SLFN12L: variants seen among roughly 807,000 people sequenced by gnomAD.
SLFN12L encodes the protein schlafen family member 12 like, also known as schlafen family member 12-like.
In SLFN12L, 34 loss-of-function variants were observed where a neutral mutation model predicts 34.8. The observed-to-expected ratio is 0.98, with a 90% CI of 0.74 to 1.30. SLFN12L has a LOEUF of 1.30. SLFN12L is among the 50% of genes most tolerant of loss of function. The pLI is 0.00. For synonymous variants in SLFN12L, 259 were observed against 247.5 expected, an observed-to-expected ratio of 1.05 and a Z score of -0.44; for missense variants, 703 against 696.2, an observed-to-expected ratio of 1.01 and a Z score of -0.11.
chr17:35,519,273 G>C (rs544188712), intron 2 of SLFN12L, among the ~76,000 whole-genome samples: 1 of 152,074 alleles, frequency 6.6e-6, no homozygotes, highest in African/African-American at 2.4e-5. Flanking sequence ...AGGTTGATGG[G>C]TGCAGCAAAC....
At chr17:35,515,148 C>G in intron 2 of SLFN12L, 12 of 626,770 alleles carry the variant, frequency 1.9e-5, no homozygotes, top group Middle Eastern at 4.9e-4. Flanking sequence ...TGAAAAGGGC[C>G]CCGAATACTC....
Position 35,522,820 on chromosome 17 carries a change from T to G in SLFN12L, c.-456A>C. 1.4e-6 allele frequency: 2 copies of G among 1,395,996 alleles called. No individual in the cohort carries two copies. The highest frequency in any genetic ancestry group is 1.0e-6 in the Non-Finnish European group (1 of 992,390). The allele number at this position is 1,395,996 out of a possible 1,614,324, so 86.5% of individuals were successfully genotyped here. A position where few individuals can be genotyped will look rare whatever the true frequency, so the allele number is the denominator to read the frequency against. ...ATGACTCCTGGCTTCTCCTGCAAATTCAGGTCCACAGCCTAGCTTCTAGAG... is the reference window on the plus strand; with the variant it reads ...ATGACTCCTGGCTTCTCCTGCAAATGCAGGTCCACAGCCTAGCTTCTAGAG... On this transcript the variant is annotated 5_prime_UTR_variant, in exon 2 of 5. Coordinates refer to ENST00000628453, the MANE Select transcript of SLFN12L (RefSeq NM_001363830.2).
At chr17:35,498,183 G>GTGGGGAGTCGGGGCCGCC (rs1555542682) in intron 2 of SLFN12L, 4 of 624,792 alleles carry the variant, frequency 6.4e-6, no homozygotes, top group African/African-American at 5.5e-5. Flanking sequence ...AGGCGGCGGC[G>GTGGGGAGTCGGGGCCGCC]TGGGGAGCCG....
At chr17:35,527,412 A>G (rs1391419825) in intron 1 of SLFN12L, among the ~76,000 whole-genome samples, 3 of 152,094 alleles carry the variant, frequency 2.0e-5, no homozygotes, top group Non-Finnish European at 4.4e-5. Flanking sequence ...AACAAAAAAA[A>G]GAAAATTTTT....
At chr17:35,532,417 G>A (rs2072420131) in intron 1 of SLFN12L, among the ~76,000 whole-genome samples, 2 of 144,338 alleles carry the variant, frequency 1.4e-5, no homozygotes, top group East Asian at 2.1e-4. Flanking sequence ...TCCAGCCTGT[G>A]CAAAAGGGAG....
chr17:35,493,636 A>ATT (rs1275444527), intron 2 of SLFN12L, among the ~76,000 whole-genome samples: 1 of 152,086 alleles, frequency 6.6e-6, no homozygotes, highest in Admixed American at 6.6e-5. Context: ...GCATCAAGTA[A>ATT]TTTTCTTTTT....
intron 2 of SLFN12L, chr17:35,498,823 A>G: frequency 2.5e-6 from 2 of 805,318 alleles, no homozygotes; most frequent in Non-Finnish European, 2.1e-6. Context: ...CAGCCTGCCA[A>G]GACAACAGAC....
At chr17:35,537,220 A>G (rs115935445) in intron 1 of SLFN12L, among the ~76,000 whole-genome samples, 148 of 152,044 alleles carry the variant, frequency 9.7e-4, no homozygotes, top group African/African-American at 3.1e-3. Flanking sequence ...CTTCCTCCCA[A>G]GTCTCCTCAC....
chr17:35,474,694 G>GT lies in SLFN12L; in HGVS notation c.*228_*229insA, dbSNP rs1567639239. ...CCTAGCACTTTGGGAGACCGGGGGGGGGGGTTGAATCACGAGGTCAGGAGT... is the reference window on the plus strand; with the variant it reads ...CCTAGCACTTTGGGAGACCGGGGGGGTGGGGTTGAATCACGAGGTCAGGAGT... On this transcript the variant is annotated 3_prime_UTR_variant, in exon 5 of 5. Transcript: ENST00000628453. 5.3e-6 allele frequency: 2 copies of GT among 376,078 alleles called. No individual in the cohort carries two copies. Among genetic ancestry groups the GT allele is most frequent in the Admixed American group, 4.5e-5 (1 of 22,038 alleles). The allele number at this position is 376,078 out of a possible 1,614,324, so 23.3% of individuals were successfully genotyped here. A position where few individuals can be genotyped will look rare whatever the true frequency, so the allele number is the denominator to read the frequency against.
intron 2 of SLFN12L, 65 bp from the exon 3 acceptor site, chr17:35,480,260 C>T (rs1914275172): frequency 7.9e-7 from 1 of 1,267,776 alleles, no homozygotes; most frequent in Non-Finnish European, 1.1e-6. Context: ...CATTATGAGG[C>T]AAACGTAGAA....
In SLFN12L at chr17:35,466,656, A is replaced by C. The variant is rs774114349; in HGVS notation, c.*8267T>G. ...TGAGCTGTAACTCACAAATGAACCC[A>C]CTTTAAATGTGGCAGCCTCAAACAA... On this transcript the variant is annotated 3_prime_UTR_variant, in exon 5 of 5. Coordinates refer to ENST00000628453, the MANE Select transcript of SLFN12L (RefSeq NM_001363830.2). Among the ~76,000 whole-genome samples, 1 of 152,212 alleles carries C rather than the reference A, an allele frequency of 6.6e-6. No individual in the cohort carries two copies. The highest frequency in any genetic ancestry group is 1.5e-5 in the Non-Finnish European group (1 of 68,042).
At chr17:35,510,940 T>C (rs1915621175) in intron 2 of SLFN12L, among the ~76,000 whole-genome samples, 1 of 152,178 alleles carries the variant, frequency 6.6e-6, no homozygotes, top group African/African-American at 2.4e-5. Context: ...CTGACCATAG[T>C]TCTAGTCAGA....
intron 1 of SLFN12L, among the ~76,000 whole-genome samples, chr17:35,529,336 C>T (rs2072368055): frequency 6.6e-6 from 1 of 152,178 alleles, no homozygotes; most frequent in Non-Finnish European, 1.5e-5. Context: ...CCAGCAATCC[C>T]ATTACTGGGT....
intron 2 of SLFN12L, among the ~76,000 whole-genome samples, chr17:35,481,976 T>C (rs1197089147): frequency 6.6e-6 from 1 of 152,224 alleles, no homozygotes; most frequent in Non-Finnish European, 1.5e-5. Flanking sequence ...TTCTCCTGCC[T>C]CAGCCTCCCA....
chr17:35,498,899 G>A, intron 2 of SLFN12L: 1 of 706,318 alleles, frequency 1.4e-6, no homozygotes. Context: ...CCCCTGATAT[G>A]CCCAGCCCTA....
At chr17:35,513,929 C>A (rs1016604377) in intron 2 of SLFN12L, among the ~76,000 whole-genome samples, 1 of 152,076 alleles carries the variant, frequency 6.6e-6, no homozygotes, top group Non-Finnish European at 1.5e-5. Context: ...CAGGCAAGCA[C>A]GCGAAATTCA....
intron 1 of SLFN12L, among the ~76,000 whole-genome samples, chr17:35,535,126 A>T (rs958890118): frequency 2.6e-5 from 4 of 152,220 alleles, no homozygotes; most frequent in South Asian, 2.1e-4. Flanking sequence ...GTGAGGCTCA[A>T]ATCCAGGAGT....
rs1914316545 is a variant in SLFN12L at position 35,481,058 on chromosome 17, G to A, written c.87-863C>T. Among the ~76,000 whole-genome samples the A allele has an allele frequency of 2.0e-5, 3 of 152,214 alleles. No individual in the cohort carries two copies. The South Asian group carries it at 6.2e-4, about 32-fold the overall frequency. ...GCCATACAGAGATAGGAGCTGAAGG[G>A]ACATGATGAAAAGTGACCAGAAAAC... On this transcript the variant is annotated intron_variant, in intron 2 of 4. Transcript: ENST00000628453.
intron 2 of SLFN12L, among the ~76,000 whole-genome samples, chr17:35,508,168 C>T (rs1915523291): frequency 6.6e-6 from 1 of 152,232 alleles, no homozygotes; most frequent in Admixed American, 6.5e-5. Flanking sequence ...CAGTCATGTA[C>T]CGCCTGCTTG....
Sources: gnomAD v4.1 joint callset for allele counts (sites outside exome capture counted in the v4.1 genomes callset) on GRCh38, gnomAD v4.1.1 for gene constraint, MANE v1.5 for transcripts, NCBI Gene and HGNC (gene_info 2026-07-23, HGNC 2026-07-21) for gene names.